The following CAPN14 variants were observed in gnomAD, a reference collection of about 807,000 sequenced individuals.
CAPN14 encodes calpain 14.
CAPN14 carries 94 observed loss-of-function variants against 101.3 expected under a neutral mutation model. The observed-to-expected ratio is 0.93, with a 90% CI of 0.79 to 1.10. The LOEUF (loss-of-function observed/expected upper bound fraction) is 1.10. Among genes scored for constraint, CAPN14 ranks in the 50% least tolerant of loss-of-function variants. The pLI is 0.00. For missense variants in CAPN14, 837 were observed against 828.4 expected (o/e 1.01, Z -0.13); for synonymous variants, 338 against 317.9 (o/e 1.06, Z -0.67).
intron 12 of CAPN14, among the ~76,000 whole-genome samples, chr2:31,190,385 A>AT (rs1249936567): frequency 1.3e-5 from 2 of 151,992 alleles, no homozygotes; most frequent in South Asian, 2.1e-4. Flanking sequence ...TGAGGTAGGC[A>AT]TTTTTTTTAT....
chr2:31,181,710 C>A (rs1267334830), intron 16 of CAPN14, among the ~76,000 whole-genome samples: 1 of 115,736 alleles, frequency 8.6e-6, no homozygotes, highest in Admixed American at 1.2e-4. Flanking sequence ...GTGTGATGTT[C>A]CCCTTCCTGT....
chr2:31,214,394 C>T (rs1180214684), intron 1 of CAPN14, among the ~76,000 whole-genome samples: 1 of 152,176 alleles, frequency 6.6e-6, no homozygotes, highest in African/African-American at 2.4e-5. Context: ...AACATCCTTC[C>T]CCTCCAAAAT....
rs1011701736 is a variant in CAPN14 at position 31,203,034 on chromosome 2, G to T, written c.295+36C>A. The T allele has an allele frequency of 4.6e-6, 7 of 1,526,690 alleles. No homozygotes were observed. In the African/African-American group the frequency reaches 9.6e-5, roughly 21 times the overall value. The allele number at this position is 1,526,690 out of a possible 1,614,324, so 94.6% of individuals were successfully genotyped here. A position where few individuals can be genotyped will look rare whatever the true frequency, so the allele number is the denominator to read the frequency against. On this transcript the variant is annotated intron_variant, in intron 3 of 21. Transcript: ENST00000403897. ...CTTGGCCAGGCCTGGTCAGCAGGCA[G>T]CCTAGTGTCTGTCTCTCGGGGCTGT...
At chr2:31,223,680 C>T (rs534335689) in intron 2 of CAPN14, among the ~76,000 whole-genome samples, 1 of 152,042 alleles carries the variant, frequency 6.6e-6, no homozygotes, top group Non-Finnish European at 1.5e-5. Context: ...AGACGCCCAC[C>T]ACGACGCGTG....
Position 31,178,501 on chromosome 2 carries a change from TTGTTCTTACC to T in CAPN14, c.1779_1779+9del, listed in dbSNP as rs979847146. On this transcript the variant is annotated splice_donor_variant and splice_donor_5th_base_variant and coding_sequence_variant and intron_variant, in exon 18 of 22. Transcript: ENST00000403897. LOFTEE classifies it high-confidence loss of function. ...TCTTCCAAAGAGGTGTGGTTAAGAC[TTGTTCTTACC>T]TGAGAGAGCTTCAGCTGCTTCCACA... 1.3e-5 allele frequency: 20 copies of T among 1,549,302 alleles called. No individual in the cohort carries two copies. Among genetic ancestry groups the T allele is most frequent in the Non-Finnish European group, 1.7e-5 (19 of 1,145,026 alleles).
intron 6 of CAPN14, 149 bp downstream of exon 6, chr2:31,200,302 G>C (rs1681688246): frequency 1.5e-6 from 1 of 652,818 alleles, no homozygotes; most frequent in Non-Finnish European, 2.5e-6. Context: ...ACCGCACCTG[G>C]CCTTGCTGCT....
At chr2:31,187,546 A>C (rs1301771729) in intron 15 of CAPN14, among the ~76,000 whole-genome samples, 1 of 152,188 alleles carries the variant, frequency 6.6e-6, no homozygotes, top group Non-Finnish European at 1.5e-5. Context: ...AAGAACAGAG[A>C]ATCATTTTAC....
chr2:31,181,314 C>T (rs968131235), intron 16 of CAPN14, among the ~76,000 whole-genome samples: 3 of 152,172 alleles, frequency 2.0e-5, no homozygotes, highest in Middle Eastern at 3.4e-3. Flanking sequence ...CAAAGAGATC[C>T]AAGAGGTCAA....
At chr2:31,188,215 A>T in intron 14 of CAPN14, 103 bp downstream of exon 14, 1 of 988,202 alleles carries the variant, frequency 1.0e-6, no homozygotes, top group South Asian at 1.4e-5. Flanking sequence ...GTCTGTAAGG[A>T]TCCGCATATC....
chr2:31,199,938 T>C lies in CAPN14; in HGVS notation c.727-406A>G, dbSNP rs546720880. Among the ~76,000 whole-genome samples, 8 of 152,360 alleles carry C rather than the reference T, an allele frequency of 5.3e-5. No homozygotes were observed. In the South Asian group the frequency reaches 1.7e-3, roughly 32 times the overall value. ...CTTAATAATTGTTAGCTTCCTTCTCTGCACATCATCTTCTTTTTCCTACTG... is the reference window on the plus strand; with the variant it reads ...CTTAATAATTGTTAGCTTCCTTCTCCGCACATCATCTTCTTTTTCCTACTG... On this transcript the variant is annotated intron_variant, in intron 6 of 21. Coordinates refer to ENST00000403897, the MANE Select transcript of CAPN14 (RefSeq NM_001145122.2).
intron 1 of CAPN14, among the ~76,000 whole-genome samples, chr2:31,207,896 G>A (rs1682186257): frequency 6.6e-6 from 1 of 152,188 alleles, no homozygotes; most frequent in African/African-American, 2.4e-5. Flanking sequence ...CCAGTTGGTG[G>A]AGTGGCCCCA....
At position 31,177,786 on chromosome 2, in the gene CAPN14, G is replaced by T. The variant is rs909663332; in HGVS notation, c.1815C>A (p.Tyr605Ter). 6.4e-7 allele frequency: 1 copy of T among 1,552,052 alleles called. No individual in the cohort carries two copies. The highest frequency in any genetic ancestry group is 1.2e-5 in the South Asian group (1 of 84,064). ...VFHKQDRGSG[Y>*]LNWEQLHAAM... Reference sequence around the variant, plus strand: ...CAGCGTGCAGCTGCTCCCAGTTCAGGTATCCTGACCCACGGTCTTGCTTGT... The same window carrying T: ...CAGCGTGCAGCTGCTCCCAGTTCAGTTATCCTGACCCACGGTCTTGCTTGT... The change falls in exon 19 of 22, where the codon TAC becomes TAA. Residue 605 changes from tyrosine to a stop codon, truncating the protein, a stop_gained. Transcript: ENST00000403897. LOFTEE classifies it high-confidence loss of function.
At chr2:31,195,342 T>C (rs1196009846) in intron 8 of CAPN14, among the ~76,000 whole-genome samples, 6 of 152,178 alleles carry the variant, frequency 3.9e-5, no homozygotes, top group African/African-American at 1.4e-4. Context: ...TATTTATTTA[T>C]TCACTTATTT....
intron 16 of CAPN14, among the ~76,000 whole-genome samples, chr2:31,183,195 T>C (rs1680737901): frequency 6.6e-6 from 1 of 152,016 alleles, no homozygotes; most frequent in South Asian, 2.1e-4. Context: ...TCAAGATGGA[T>C]TAAAGACTTA....
At chr2:31,209,369 G>C (rs1682274741) in intron 1 of CAPN14, among the ~76,000 whole-genome samples, 1 of 152,056 alleles carries the variant, frequency 6.6e-6, no homozygotes, top group African/African-American at 2.4e-5. Flanking sequence ...TATAGATGCT[G>C]GGTGCTAGGA....
At chr2:31,206,030 A>ATT (rs1349730634) in intron 1 of CAPN14, among the ~76,000 whole-genome samples, 1 of 113,076 alleles carries the variant, frequency 8.8e-6, no homozygotes, top group African/African-American at 3.2e-5. Flanking sequence ...TATTTTTTTT[A>ATT]TTTATTTATT....
Position 31,206,021 on chromosome 2 carries a change from A to ATTTTTTTTTTTTTTTTTTTT in CAPN14, c.-52-523_-52-522insAAAAAAAAAAAAAAAAAAAA, listed in dbSNP as rs200116287. On this transcript the variant is annotated intron_variant, in intron 1 of 21. Transcript: ENST00000403897. ...CAAAACCTCCTCCTACATTATCTTT[A>ATTTTTTTTTTTTTTTTTTTT]TTTTTTTTATTTATTTATTTTTTTT... is the stretch of plus-strand genomic sequence containing the variant. Among the ~76,000 whole-genome samples the ATTTTTTTTTTTTTTTTTTTT allele has an allele frequency of 1.8e-5, 2 of 108,752 alleles. 1 individual carries two copies. Among genetic ancestry groups the ATTTTTTTTTTTTTTTTTTTT allele is most frequent in the Non-Finnish European group, 4.0e-5 (2 of 49,836 alleles). 71.3% of individuals were successfully genotyped at this position (108,752 alleles called of 152,430 possible).
At chr2:31,186,384 T>C in intron 16 of CAPN14, 44 bp downstream of exon 16, 1 of 1,405,038 alleles carries the variant, frequency 7.1e-7, no homozygotes. Context: ...TTTAGAAAAG[T>C]TGCATCCCCT....
chr2:31,176,542 C>T, intron 21 of CAPN14, 45 bp downstream of exon 21: 2 of 1,492,094 alleles, frequency 1.3e-6, no homozygotes, highest in Non-Finnish European at 1.8e-6. Context: ...CAAGGGCCAC[C>T]TCTACGTAAG....
Sources: allele counts gnomAD v4.1 joint callset (sites outside exome capture counted in the v4.1 genomes callset), GRCh38; gene constraint gnomAD v4.1.1; transcripts MANE v1.5; gene names NCBI Gene and HGNC (gene_info 2026-07-23, HGNC 2026-07-21).